Variants in IL7 observed in about 807,000 individuals in gnomAD.
The protein encoded by IL7 is interleukin 7.
IL7 carries 3 observed loss-of-function variants against 21.6 expected under a neutral mutation model. The ratio of observed to expected loss-of-function variants is 0.14; its 90% confidence interval spans 0.06 to 0.36. The LOEUF (loss-of-function observed/expected upper bound fraction) is 0.36, where lower values mean the gene tolerates loss of function less well. Among genes scored for constraint, IL7 ranks in the 10% least tolerant of loss-of-function variants. The pLI is 1.00. For missense variants in IL7, 175 were observed against 200.2 expected, an observed-to-expected ratio of 0.87 and a Z score of 0.76; for synonymous variants, 62 against 68.1, an observed-to-expected ratio of 0.91 and a Z score of 0.44.
intron 5 of IL7, among the ~76,000 whole-genome samples, chr8:78,734,682 T>C (rs1811512898): frequency 6.6e-6 from 1 of 152,172 alleles, no homozygotes; most frequent in African/African-American, 2.4e-5. Context: ...GCAAGCAATA[T>C]AAAAACTATT....
chr8:78,762,782 T>G (rs995633295), intron 2 of IL7, among the ~76,000 whole-genome samples: 3 of 152,118 alleles, frequency 2.0e-5, no homozygotes, highest in Non-Finnish European at 4.4e-5. Context: ...TTTGGGATAT[T>G]TTACTGAAGA....
intron 2 of IL7, among the ~76,000 whole-genome samples, chr8:78,758,981 T>C (rs1455886991): frequency 6.6e-6 from 1 of 151,992 alleles, no homozygotes; most frequent in African/African-American, 2.4e-5. Flanking sequence ...ATGGAACTTA[T>C]AAAATTCAAA....
At chr8:78,755,719 T>G (rs1175797200) in intron 2 of IL7, among the ~76,000 whole-genome samples, 1 of 152,094 alleles carries the variant, frequency 6.6e-6, no homozygotes, top group African/African-American at 2.4e-5. Flanking sequence ...TTATCAGTTC[T>G]AAGAGTTTCC....
intron 2 of IL7, among the ~76,000 whole-genome samples, chr8:78,750,962 A>G (rs1812147563): frequency 6.6e-6 from 1 of 152,322 alleles, no homozygotes; most frequent in East Asian, 1.9e-4. Flanking sequence ...TTTTAAAATG[A>G]TAAAGATCAA....
intron 2 of IL7, chr8:78,746,877 C>A: frequency 2.8e-6 from 1 of 350,938 alleles, no homozygotes; most frequent in Non-Finnish European, 5.6e-6. Context: ...TGAAATGAAA[C>A]AGCTGTTCAT....
chr8:78,710,509 G>A (rs577615323), intron 3 of IL7, among the ~76,000 whole-genome samples: 1 of 151,738 alleles, frequency 6.6e-6, no homozygotes, highest in Non-Finnish European at 1.5e-5. Flanking sequence ...TGTAGGATTT[G>A]ACCATTTCTT....
intron 2 of IL7, among the ~76,000 whole-genome samples, chr8:78,768,883 C>T (rs1340865079): frequency 2.0e-4 from 31 of 152,156 alleles, no homozygotes; most frequent in Non-Finnish European, 2.6e-4. Context: ...GTTCAATATA[C>T]GCAAATCAAT....
chr8:78,703,872 C>T (rs560303232), intron 3 of IL7, among the ~76,000 whole-genome samples: 36 of 152,204 alleles, frequency 2.4e-4, no homozygotes, highest in African/African-American at 7.5e-4. Flanking sequence ...AACAGTTTTA[C>T]AGTATTACTG....
chr8:78,695,090 G>C (rs1810354399), intron 3 of IL7, among the ~76,000 whole-genome samples: 1 of 152,150 alleles, frequency 6.6e-6, no homozygotes. Context: ...AAAACAGCAA[G>C]ATACCGAGGG....
At chr8:78,706,813 C>G (rs1810788000) in intron 3 of IL7, among the ~76,000 whole-genome samples, 1 of 151,962 alleles carries the variant, frequency 6.6e-6, no homozygotes, top group South Asian at 2.1e-4. Flanking sequence ...CATTTTGCTT[C>G]TCAATTCAGA....
intron 3 of IL7, among the ~76,000 whole-genome samples, chr8:78,692,162 A>G (rs1181139316): frequency 6.6e-6 from 1 of 152,128 alleles, no homozygotes; most frequent in Non-Finnish European, 1.5e-5. Context: ...TACCCCTTTG[A>G]CCATCATCAT....
downstream of IL7, among the ~76,000 whole-genome samples, chr8:78,730,149 T>G (rs987694518): frequency 6.6e-6 from 1 of 152,010 alleles, no homozygotes; most frequent in Admixed American, 6.6e-5. Flanking sequence ...AACAGTATCT[T>G]AAGTAACAAT....
intron 1 of IL7, 43 bp downstream of exon 1, chr8:78,804,870 C>G: frequency 1.2e-6 from 2 of 1,611,468 alleles, no homozygotes; most frequent in African/African-American, 1.3e-5. Context: ...TGCCCCGGCG[C>G]GTCGGGCGCG....
chr8:78,697,682 CTTTT>C (rs370060109), intron 3 of IL7, among the ~76,000 whole-genome samples: 6 of 139,660 alleles, frequency 4.3e-5, no homozygotes, highest in Non-Finnish European at 7.8e-5. Flanking sequence ...TACTTTTAAC[CTTTT>C]TTTTTTTTTT....
intron 2 of IL7, among the ~76,000 whole-genome samples, chr8:78,797,444 C>A (rs1189875720): frequency 6.6e-6 from 1 of 151,730 alleles, no homozygotes; most frequent in African/African-American, 2.4e-5. Context: ...AATAAATGTG[C>A]CATACTGATG....
chr8:78,775,762 A>G (rs144178692), intron 2 of IL7, among the ~76,000 whole-genome samples: 6 of 152,146 alleles, frequency 3.9e-5, no homozygotes, highest in Non-Finnish European at 7.4e-5. Flanking sequence ...ATCATATTCC[A>G]TGTAGTCCTA....
intron 5 of IL7, among the ~76,000 whole-genome samples, chr8:78,734,969 G>T (rs1355147960): frequency 6.6e-6 from 1 of 152,062 alleles, no homozygotes; most frequent in Non-Finnish European, 1.5e-5. Flanking sequence ...CACAAATTCA[G>T]ATCTCTTTTT....
chr8:78,712,308 T>C (rs1007691312), intron 3 of IL7, among the ~76,000 whole-genome samples: 2 of 152,168 alleles, frequency 1.3e-5, no homozygotes, highest in Non-Finnish European at 1.5e-5. Flanking sequence ...TAAAACTTTT[T>C]AGGTTATACA....
At chr8:78,702,220 T>C (rs907663211) in intron 3 of IL7, among the ~76,000 whole-genome samples, 2 of 152,168 alleles carry the variant, frequency 1.3e-5, no homozygotes, top group African/African-American at 4.8e-5. Context: ...TGTCCAGGAA[T>C]TTATCCATTT....
Sources: allele counts gnomAD v4.1 joint callset (sites outside exome capture counted in the v4.1 genomes callset), GRCh38; gene constraint gnomAD v4.1.1; transcripts MANE v1.5; gene names NCBI Gene and HGNC (gene_info 2026-07-23, HGNC 2026-07-21).